The following ITGAD variants were observed in gnomAD, a reference collection of about 807,000 sequenced individuals.
The protein encoded by ITGAD is integrin alpha-D.
ITGAD carries 105 observed loss-of-function variants against 139.0 expected under a neutral mutation model. That is an observed-to-expected ratio of 0.76 (90% CI 0.65 to 0.89). The LOEUF (loss-of-function observed/expected upper bound fraction) is 0.89. Ranked by LOEUF, ITGAD falls within the 40% of genes least tolerant of loss-of-function variation. The pLI, the probability that ITGAD is intolerant of heterozygous loss-of-function variation, is 0.00. For missense variants in ITGAD, 1,384 were observed against 1,487.3 expected (o/e 0.93, Z 1.14); for synonymous variants, 569 against 598.3 (o/e 0.95, Z 0.71).
chr16:31,412,812 G>T (rs754900260), intron 14 of ITGAD, 26 bp from the exon 15 acceptor site: 6 of 1,613,022 alleles, frequency 3.7e-6, no homozygotes, highest in Non-Finnish European at 4.2e-6. Flanking sequence ...CTTCCAGCCT[G>T]ATTCACCCTT....
chr16:31,399,529 A>G (rs7191882), intron 5 of ITGAD, among the ~76,000 whole-genome samples: 5,565 of 152,066 alleles, frequency 0.037, 335 homozygotes, highest in African/African-American at 0.13. Flanking sequence ...ACCAGAGCAA[A>G]TGGTGAGGGT....
chr16:31,412,065 C>CT (rs775278051), intron 14 of ITGAD, among the ~76,000 whole-genome samples: 37 of 145,646 alleles, frequency 2.5e-4, no homozygotes, highest in South Asian at 6.6e-4. Context: ...ACCCTGTTTG[C>CT]TTTTTTTTTT....
rs934795984 is a variant in ITGAD at position 31,403,909 on chromosome 16, A to T, written c.704+264A>T. On this transcript the variant is annotated intron_variant, in intron 7 of 29. Transcript: ENST00000389202. This position sits in a 1 kb window ranked among gnomAD's most constrained non-coding sequence, Gnocchi z 4.4. ...AGCCTGGACCCCAGGACCCCTCCCC[A>T]CCCCACAGCAGCCAGAGGCCCGGGC... The T allele has an allele frequency of 2.2e-6, 1 of 461,284 alleles. No homozygotes were observed. The highest frequency in any genetic ancestry group is 2.0e-5 in the African/African-American group (1 of 50,684). The allele number at this position is 461,284 out of a possible 1,614,324, so 28.6% of individuals were successfully genotyped here.
In ITGAD at chr16:31,416,655, T is replaced by G. The variant is rs1170388589; in HGVS notation, c.2499+9T>G. On this transcript the variant is annotated intron_variant, in intron 20 of 29. Coordinates refer to ENST00000389202, the MANE Select transcript of ITGAD (RefSeq NM_005353.3). ...GGGTGTCAGGAGCCCAGGTAACAACTGCTGTAGGCTCTAGTGGGAGGGGGC... is the reference window on the plus strand; with the variant it reads ...GGGTGTCAGGAGCCCAGGTAACAACGGCTGTAGGCTCTAGTGGGAGGGGGC... 1 of 1,597,738 alleles carries G rather than the reference T, an allele frequency of 6.3e-7. No individual in the cohort carries two copies. The highest frequency in any genetic ancestry group is 1.1e-5 in the South Asian group (1 of 90,622).
intron 5 of ITGAD, among the ~76,000 whole-genome samples, chr16:31,398,676 G>A (rs1051354301): frequency 6.6e-6 from 1 of 152,024 alleles, no homozygotes; most frequent in African/African-American, 2.4e-5. Context: ...TAGAGATGGG[G>A]GTCTTGCTAT....
chr16:31,425,016 T>C (rs1334608764), intron 29 of ITGAD, among the ~76,000 whole-genome samples: 2 of 152,178 alleles, frequency 1.3e-5, no homozygotes, highest in Non-Finnish European at 2.9e-5. Flanking sequence ...GGCTCTATCA[T>C]GTACTCACTG....
At chr16:31,415,103 C>G in intron 18 of ITGAD, 112 bp downstream of exon 18, 2 of 1,209,418 alleles carry the variant, frequency 1.7e-6, no homozygotes, top group African/African-American at 3.0e-5. Context: ...AGAAACCTGA[C>G]TCCAGTCTCT....
At position 31,412,879 on chromosome 16, in the gene ITGAD, T is replaced by C. The variant is rs762307640; in HGVS notation, c.1749T>C (p.Phe583=). The C allele has an allele frequency of 6.2e-7, 1 of 1,614,132 alleles. No homozygotes were observed. ...AGCTCTCCCCCAGGCTGCAGTATTT[T>C]GGGCAGGCGCTGAGTGGGGGTCAGG... ...SSQLSPRLQY[F]GQALSGGQDL... is the part of the protein sequence containing the mutation. Residue 583 remains phenylalanine, a synonymous_variant, in exon 15 of 30, where the codon TTT becomes TTC. Transcript: ENST00000389202.
chr16:31,418,215 C>T, intron 21 of ITGAD, 24 bp downstream of exon 21: 2 of 1,605,168 alleles, frequency 1.2e-6, no homozygotes, highest in Non-Finnish European at 1.7e-6. Flanking sequence ...CCTAAATCCC[C>T]ATCACTGTCC....
At chr16:31,410,617 C>G in intron 11 of ITGAD, 93 bp downstream of exon 11, 2 of 1,540,282 alleles carry the variant, frequency 1.3e-6, no homozygotes, top group Non-Finnish European at 1.7e-6. Context: ...CGCTGTGCTG[C>G]CTGGGGTGGG....
intron 20 of ITGAD, 117 bp from the exon 21 acceptor site, chr16:31,417,958 A>C: frequency 1.2e-6 from 1 of 822,500 alleles, no homozygotes. Flanking sequence ...AAAAAAAACA[A>C]CAACAAAAAA....
At chr16:31,425,691 T>A (rs2082100229) in intron 29 of ITGAD, among the ~76,000 whole-genome samples, 1 of 147,238 alleles carries the variant, frequency 6.8e-6, no homozygotes, top group Admixed American at 6.8e-5. Flanking sequence ...TTCTTCTTCT[T>A]TTTTTTTTTT....
At position 31,408,449 on chromosome 16, in the gene ITGAD, C is replaced by T; in HGVS notation, c.1034C>T (p.Ser345Phe). 1 of 1,614,094 alleles carries T rather than the reference C, an allele frequency of 6.2e-7. No individual in the cohort carries two copies. The highest frequency in any genetic ancestry group is 8.5e-7 in the Non-Finnish European group (1 of 1,179,996). ...VEGTQSRASS[S>F]FQHEMSQEGF... is the part of the protein sequence containing the mutation. ...GGAACCCAGTCCAGGGCAAGCAGCT[C>T]CTTCCAGCACGAGATGTCCCAAGAA... The change falls in exon 10 of 30, where the codon TCC becomes TTC. Residue 345 changes from serine (S) to phenylalanine (F), a missense_variant. Coordinates refer to ENST00000389202, the MANE Select transcript of ITGAD (RefSeq NM_005353.3).
chr16:31,394,142 A>AAAAAAAAAG (rs1383784173), intron 1 of ITGAD, 94 bp from the exon 2 acceptor site: 129 of 559,682 alleles, frequency 2.3e-4, no homozygotes, highest in South Asian at 3.5e-4. Context: ...AAAAAAAAAA[A>AAAAAAAAAG]AAAAAAAAGA....
chr16:31,424,151 A>G lies in ITGAD; in HGVS notation c.3209A>G (p.Asp1070Gly). Residue 1070 changes from aspartate to glycine, a missense_variant, in exon 28 of 30, where the codon GAC (aspartate) becomes GGC (glycine). Asp to Gly is a moderately conservative substitution (Grantham distance 94). Transcript: ENST00000389202. ...LVVSVAEITF[D>G]TSVYSQLPGQ... ...GTGAGTGTGGCTGAAATTACGTTCG[A>G]CACATCCGTGTACTCCCAGCTTCCA... The G allele has an allele frequency of 6.2e-7, 1 of 1,614,186 alleles. No homozygotes were observed. Among genetic ancestry groups the G allele is most frequent in the South Asian group, 1.1e-5 (1 of 91,088 alleles).
Position 31,411,204 on chromosome 16 carries a change from C to T in ITGAD, c.1485C>T (p.Pro495=). Residue 495 remains proline, a synonymous_variant, in exon 13 of 30, where the codon CCC becomes CCT. Coordinates refer to ENST00000389202, the MANE Select transcript of ITGAD (RefSeq NM_005353.3). ...GAGGGGGCCAGGTGTCCGTGTGTCC[C>T]TTGCCTAGGGGGGTGAGTGGCTGAT... is the stretch of plus-strand genomic sequence containing the variant. The part of the protein sequence containing the change: ...QTRGGQVSVC[P]LPRGRVQWQC... 5.0e-6 allele frequency: 8 copies of T among 1,613,608 alleles called. No homozygotes were observed. Among genetic ancestry groups the T allele is most frequent in the Non-Finnish European group, 6.8e-6 (8 of 1,179,750 alleles).
At position 31,407,833 on chromosome 16, in the gene ITGAD, A is replaced by T. The variant is rs2081578507; in HGVS notation, c.926A>T (p.Gln309Leu). 2 of 1,612,242 alleles carry T rather than the reference A, an allele frequency of 1.2e-6. No individual in the cohort carries two copies. Among genetic ancestry groups the T allele is most frequent in the African/African-American group, 2.7e-5 (2 of 74,880 alleles). Residue 309 changes from glutamine (Q) to leucine (L), a missense_variant, in exon 9 of 30, where the codon CAG becomes CTG. Gln to Leu is a moderately radical substitution (Grantham distance 113). Coordinates refer to ENST00000389202, the MANE Select transcript of ITGAD (RefSeq NM_005353.3). ...AATACCATCAGCTCAGCGCCTCCGC[A>T]GGACCACGTGTTCAAGGTGGACAAC... is the stretch of plus-strand genomic sequence containing the variant. The part of the protein sequence containing the change: ...ELNTISSAPP[Q>L]DHVFKVDNFA...
At chr16:31,416,708 T>G (rs1400913014) in intron 20 of ITGAD, 62 bp downstream of exon 20, 1 of 1,508,072 alleles carries the variant, frequency 6.6e-7, no homozygotes, top group African/African-American at 1.4e-5. Flanking sequence ...GCCCCGGGAG[T>G]TACACAGTGT....
At position 31,416,193 on chromosome 16, in the gene ITGAD, A is replaced by C; in HGVS notation, c.2284-20A>C. ...AGACTAAGATGTCAGATGGGAACAGAATATACTATTTTGCTGCAGCTCCCC... is the reference window on the plus strand; with the variant it reads ...AGACTAAGATGTCAGATGGGAACAGCATATACTATTTTGCTGCAGCTCCCC... On this transcript the variant is annotated intron_variant, in intron 18 of 29. Transcript: ENST00000389202. 6.3e-7 allele frequency: 1 copy of C among 1,587,292 alleles called. No individual in the cohort carries two copies. The highest frequency in any genetic ancestry group is 1.1e-5 in the South Asian group (1 of 88,076).
Sources: allele counts gnomAD v4.1 joint callset (sites outside exome capture counted in the v4.1 genomes callset), GRCh38; gene constraint gnomAD v4.1.1; non-coding constraint Gnocchi (gnomAD v3.1); transcripts MANE v1.5; gene names NCBI Gene and HGNC (gene_info 2026-07-23, HGNC 2026-07-21).